The following AIG1 variants were observed in gnomAD, a reference collection of about 807,000 sequenced individuals.
AIG1 encodes androgen induced 1.
In AIG1, 23 loss-of-function variants were observed where a neutral mutation model predicts 31.4. That is an observed-to-expected ratio of 0.73 (90% confidence interval 0.53 to 1.04). The LOEUF is 1.04. Ranked by LOEUF, AIG1 falls within the 50% of genes least tolerant of loss-of-function variation. The pLI, the probability that AIG1 is intolerant of heterozygous loss-of-function variation, is 0.00. For missense variants in AIG1, 274 were observed against 295.0 expected (o/e 0.93, Z 0.52); for synonymous variants, 100 against 110.5 (o/e 0.90, Z 0.60).
intron 3 of AIG1, among the ~76,000 whole-genome samples, chr6:143,235,186 G>A (rs899857782): frequency 6.6e-6 from 1 of 152,146 alleles, no homozygotes; most frequent in Non-Finnish European, 1.5e-5. Context: ...AAGGTGGTAG[G>A]CTATGCCCCG....
intron 2 of AIG1, among the ~76,000 whole-genome samples, chr6:143,145,181 T>C (rs1267645605): frequency 3.3e-5 from 5 of 152,092 alleles, no homozygotes; most frequent in African/African-American, 9.7e-5. Context: ...TGTGCCACCA[T>C]GCGTGGCTAA....
In AIG1 at chr6:143,263,241, C is replaced by T. The variant is rs76079645; in HGVS notation, c.400-20869C>T. The stretch of plus-strand genomic sequence containing the variant: ...AATACCACTTTTATTTGATAGCTTC[C>T]CCTCTTTGTTTTCTATATCCTAGTC... On this transcript the variant is annotated intron_variant, in intron 3 of 5. Transcript: ENST00000357847. 6.2e-3 allele frequency among the ~76,000 whole-genome samples: 944 copies of T among 151,716 alleles called. 9 individuals are homozygous for T. The highest frequency in any genetic ancestry group is 0.022 in the African/African-American group (899 of 41,380).
intron 1 of AIG1, among the ~76,000 whole-genome samples, chr6:143,115,522 A>G (rs1479593960): frequency 6.6e-6 from 1 of 152,226 alleles, no homozygotes; most frequent in Admixed American, 6.5e-5. Context: ...AAGTAAAAGC[A>G]CTGCATTGAC....
intron 5 of AIG1, 135 bp from the exon 6 acceptor site, chr6:143,339,504 G>C: frequency 1.3e-6 from 1 of 788,334 alleles, no homozygotes; most frequent in Admixed American, 2.6e-5. Context: ...AGGGAATAGG[G>C]GGTGTGTCAG....
chr6:143,254,979 A>G (rs903203037), intron 3 of AIG1, among the ~76,000 whole-genome samples: 2 of 152,196 alleles, frequency 1.3e-5, no homozygotes, highest in African/African-American at 2.4e-5. Context: ...TTAAGGCTGC[A>G]GTGAGCCCAT....
chr6:143,206,812 C>G (rs192461506), intron 3 of AIG1, among the ~76,000 whole-genome samples: 14 of 152,116 alleles, frequency 9.2e-5, no homozygotes, highest in African/African-American at 2.7e-4. Flanking sequence ...ATGCAGAAAC[C>G]CATTTCATGG....
chr6:143,283,909 A>T (rs1467876209), intron 3 of AIG1, among the ~76,000 whole-genome samples: 1 of 152,252 alleles, frequency 6.6e-6, no homozygotes, highest in Non-Finnish European at 1.5e-5. Context: ...TCAAAAATTA[A>T]GATACAGAAG....
At chr6:143,339,512 CAGG>C in intron 5 of AIG1, 124 bp from the exon 6 acceptor site, 1 of 893,582 alleles carries the variant, frequency 1.1e-6, no homozygotes, top group African/African-American at 1.7e-5. Flanking sequence ...GGGGGTGTGT[CAGG>C]AGGGTGAATG....
intron 3 of AIG1, among the ~76,000 whole-genome samples, chr6:143,222,349 CG>C (rs1792586939): frequency 6.6e-6 from 1 of 151,882 alleles, no homozygotes; most frequent in Non-Finnish European, 1.5e-5. Flanking sequence ...TAGGAATTAT[CG>C]GGAACGGCAG....
At chr6:143,131,886 T>C (rs1783275051) in intron 1 of AIG1, among the ~76,000 whole-genome samples, 1 of 152,204 alleles carries the variant, frequency 6.6e-6, no homozygotes, top group Non-Finnish European at 1.5e-5. Flanking sequence ...TGTGGTAACT[T>C]GTTATGCAGC....
At chr6:143,267,516 C>A (rs151054267) in intron 3 of AIG1, among the ~76,000 whole-genome samples, 31 of 152,306 alleles carry the variant, frequency 2.0e-4, no homozygotes, top group African/African-American at 7.0e-4. Flanking sequence ...TCATGCAACC[C>A]ATAAAGTTGC....
intron 3 of AIG1, among the ~76,000 whole-genome samples, chr6:143,260,814 T>C (rs919725159): frequency 1.3e-5 from 2 of 152,198 alleles, no homozygotes; most frequent in African/African-American, 4.8e-5. Context: ...CAGGTGTAAC[T>C]TCAGTAACCA....
At chr6:143,064,908 A>G (rs1010217668) in intron 1 of AIG1, among the ~76,000 whole-genome samples, 16 of 152,182 alleles carry the variant, frequency 1.1e-4, no homozygotes, top group Non-Finnish European at 1.9e-4. Context: ...CTGAGAAAGG[A>G]GTCAGCGAAG....
chr6:143,210,398 C>T (rs1256126195), intron 3 of AIG1, among the ~76,000 whole-genome samples: 2 of 152,156 alleles, frequency 1.3e-5, no homozygotes, highest in Non-Finnish European at 2.9e-5. Flanking sequence ...AAGGGAATGA[C>T]CAGAAATCAT....
chr6:143,157,013 A>G (rs766023229), intron 2 of AIG1, among the ~76,000 whole-genome samples: 5 of 152,228 alleles, frequency 3.3e-5, no homozygotes, highest in African/African-American at 4.8e-5. Flanking sequence ...TACAGTATCC[A>G]TTACAGTTAT....
rs1244114823 is a variant in AIG1 at position 143,334,057 on chromosome 6, T to G, written c.679+612T>G. The G allele has an allele frequency of 1.3e-6, 2 of 1,550,332 alleles. No individual in the cohort carries two copies. Among genetic ancestry groups the G allele is most frequent in the Non-Finnish European group, 1.7e-6 (2 of 1,146,908 alleles). ...CTTTTAACCTGTGATTTGATTTCTC[T>G]TTTGTTTCCATTTATGGCAGAGCCT... On this transcript the variant is annotated intron_variant, in intron 5 of 5. Coordinates refer to ENST00000357847, the MANE Select transcript of AIG1 (RefSeq NM_016108.4). The surrounding 1 kb of genome is among the most constrained non-coding windows in gnomAD (Gnocchi z 5.1).
rs80184973 is a variant in AIG1, at chr6:143,167,063, C to T, written c.399+1880C>T. Among the ~76,000 whole-genome samples, 1,147 of 152,232 alleles carry T rather than the reference C, an allele frequency of 7.5e-3. 7 individuals are homozygous for T. The highest frequency in any genetic ancestry group is 0.026 in the African/African-American group (1,074 of 41,538). On this transcript the variant is annotated intron_variant, in intron 3 of 5. Coordinates refer to ENST00000357847, the MANE Select transcript of AIG1 (RefSeq NM_016108.4). ...TGAAGCTTAGTTTCAAACTGTTTAGCGTATTTCAGCTGTCTAAGATAAACC... is the reference window on the plus strand; with the variant it reads ...TGAAGCTTAGTTTCAAACTGTTTAGTGTATTTCAGCTGTCTAAGATAAACC...
At chr6:143,184,589 C>T (rs1277566727) in intron 3 of AIG1, among the ~76,000 whole-genome samples, 1 of 152,212 alleles carries the variant, frequency 6.6e-6, no homozygotes, top group Non-Finnish European at 1.5e-5. Context: ...ATCAGCTGCA[C>T]CTCCAAAATA....
Position 143,334,097 on chromosome 6 carries a change from C to A in AIG1, c.679+652C>A. ...TGGCAGAGCCTCCATCTTGGCAAGG[C>A]ACGTAATCTTATCCAAGCTGTGCAA... On this transcript the variant is annotated intron_variant, in intron 5 of 5. Transcript: ENST00000357847. The surrounding 1 kb of genome is among the most constrained non-coding windows in gnomAD (Gnocchi z 5.1). The A allele has an allele frequency of 6.4e-7, 1 of 1,550,424 alleles. No homozygotes were observed. The highest frequency in any genetic ancestry group is 8.7e-7 in the Non-Finnish European group (1 of 1,146,898).
Sources: allele counts gnomAD v4.1 joint callset (sites outside exome capture counted in the v4.1 genomes callset), GRCh38; gene constraint gnomAD v4.1.1; non-coding constraint Gnocchi (gnomAD v3.1); transcripts MANE v1.5; gene names NCBI Gene and HGNC (gene_info 2026-07-23, HGNC 2026-07-21).